The following GRK5 variants were observed in gnomAD, a reference collection of about 807,000 sequenced individuals.
GRK5 encodes the protein g protein-coupled receptor kinase GRK5.
GRK5 carries 40 observed loss-of-function variants against 78.4 expected under a neutral mutation model. That is an observed-to-expected ratio of 0.51 (90% CI 0.40 to 0.66). The LOEUF (loss-of-function observed/expected upper bound fraction) is 0.66. GRK5 is among the 30% of genes least tolerant of loss of function. The probability of loss-of-function intolerance (pLI) is 0.00; values close to 1 mark genes in which losing one functional copy is unlikely to be tolerated. For missense variants in GRK5, 598 were observed against 759.9 expected (o/e 0.79, Z 2.50); for synonymous variants, 289 against 296.8 (o/e 0.97, Z 0.27).
At chr10:119,325,009 T>C (rs943102002) in intron 1 of GRK5, among the ~76,000 whole-genome samples, 1 of 152,108 alleles carries the variant, frequency 6.6e-6, no homozygotes, top group Non-Finnish European at 1.5e-5. Context: ...GGGAGTTGGG[T>C]TGAAGATGCA....
intron 3 of GRK5, among the ~76,000 whole-genome samples, chr10:119,396,126 G>T (rs1421363091): frequency 6.6e-6 from 1 of 152,192 alleles, no homozygotes; most frequent in Admixed American, 6.5e-5. Context: ...GATGGGCCAG[G>T]CCCCAGGCCA....
intron 2 of GRK5, among the ~76,000 whole-genome samples, chr10:119,380,353 G>A (rs746110410): frequency 2.0e-5 from 3 of 152,134 alleles, no homozygotes; most frequent in Admixed American, 6.5e-5. Flanking sequence ...GAACACTGCT[G>A]CAGCACCTGG....
At chr10:119,403,778 T>C (rs1171868391) in intron 4 of GRK5, among the ~76,000 whole-genome samples, 1 of 152,106 alleles carries the variant, frequency 6.6e-6, no homozygotes, top group Non-Finnish European at 1.5e-5. Flanking sequence ...GGATTACAGA[T>C]GCCCATCACC....
At chr10:119,209,254 C>T (rs1354089805) in intron 1 of GRK5, among the ~76,000 whole-genome samples, 2 of 152,128 alleles carry the variant, frequency 1.3e-5, no homozygotes, top group Non-Finnish European at 2.9e-5. Flanking sequence ...CAACTCAACC[C>T]GGCATTCGTG....
At chr10:119,230,446 A>G (rs1848806841) in intron 1 of GRK5, among the ~76,000 whole-genome samples, 4 of 152,160 alleles carry the variant, frequency 2.6e-5, no homozygotes, top group Non-Finnish European at 1.5e-5. Context: ...AAGGCAAGGA[A>G]GAGCAAAGTC....
chr10:119,423,651 G>C (rs1392671711), intron 5 of GRK5, among the ~76,000 whole-genome samples: 1 of 152,204 alleles, frequency 6.6e-6, no homozygotes, highest in Non-Finnish European at 1.5e-5. Context: ...CTTGTCTGCA[G>C]GTGGCACGTC....
At chr10:119,240,492 C>T (rs946068727) in intron 1 of GRK5, among the ~76,000 whole-genome samples, 16 of 152,130 alleles carry the variant, frequency 1.1e-4, no homozygotes, top group African/African-American at 3.4e-4. Context: ...TGAGCCACCA[C>T]GCCCGGCCTT....
intron 5 of GRK5, 117 bp downstream of exon 5, chr10:119,423,383 G>GC (rs1852610324): frequency 1.0e-5 from 7 of 691,834 alleles, no homozygotes; most frequent in Non-Finnish European, 1.8e-5. Flanking sequence ...GACAGCTTCA[G>GC]CCAAGTTATA....
intron 1 of GRK5, among the ~76,000 whole-genome samples, chr10:119,311,646 C>T (rs966905069): frequency 3.3e-5 from 5 of 151,814 alleles, no homozygotes; most frequent in African/African-American, 4.8e-5. Flanking sequence ...ATTAGCTGGG[C>T]GTGGTGGTGC....
chr10:119,354,565 C>T (rs1851238263), intron 2 of GRK5, among the ~76,000 whole-genome samples: 1 of 152,068 alleles, frequency 6.6e-6, no homozygotes, highest in Non-Finnish European at 1.5e-5. Context: ...CCATGCCTGG[C>T]TAATTTTTGT....
chr10:119,261,089 T>C (rs1275566002), intron 1 of GRK5, among the ~76,000 whole-genome samples: 9 of 84,270 alleles, frequency 1.1e-4, no homozygotes, highest in Admixed American at 3.8e-4. Context: ...GAGACGCTCC[T>C]CACTTCCCAG....
chr10:119,416,090 G>A (rs564376399), intron 4 of GRK5, among the ~76,000 whole-genome samples: 12 of 150,458 alleles, frequency 8.0e-5, no homozygotes, highest in East Asian at 2.1e-4. Flanking sequence ...TTTCAGTCCC[G>A]CTTCATCCCT....
intron 3 of GRK5, among the ~76,000 whole-genome samples, chr10:119,386,461 A>G (rs1218387376): frequency 6.6e-6 from 1 of 152,132 alleles, no homozygotes; most frequent in Non-Finnish European, 1.5e-5. Context: ...AAAGGGGGGA[A>G]AAAAATCCAA....
At chr10:119,343,264 TGAGAGAGA>T (rs58146681) in intron 2 of GRK5, among the ~76,000 whole-genome samples, 4 of 148,994 alleles carry the variant, frequency 2.7e-5, no homozygotes, top group South Asian at 2.1e-4. Flanking sequence ...AGTGAACAGA[TGAGAGAGA>T]GAGAGAGAGA....
chr10:119,334,175 G>A (rs910421754), intron 2 of GRK5, among the ~76,000 whole-genome samples: 15 of 152,206 alleles, frequency 9.9e-5, no homozygotes, highest in African/African-American at 1.4e-4. Flanking sequence ...CTGCAGCGGC[G>A]CAAGCCTGGA....
In GRK5 at chr10:119,288,029, C is replaced by T. The variant is rs148612751; in HGVS notation, c.53-38487C>T. ...GACTGGACGGTCCTCACAGGTAGAA[C>T]GGCCTGTGCCTGTGTCCTCTGCTCT... is the stretch of plus-strand genomic sequence containing the variant. On this transcript the variant is annotated intron_variant, in intron 1 of 15. Transcript: ENST00000392870. Among the ~76,000 whole-genome samples, 55 of 152,338 alleles carry T rather than the reference C, an allele frequency of 3.6e-4. 1 individual carries two copies. In the East Asian group the frequency reaches 0.01, roughly 28 times the overall value.
chr10:119,266,779 T>G (rs1182877325), intron 1 of GRK5, among the ~76,000 whole-genome samples: 1 of 151,350 alleles, frequency 6.6e-6, no homozygotes, highest in African/African-American at 2.4e-5. Context: ...AAGAGTTTTT[T>G]TTTTTTTTTT....
At chr10:119,357,287 C>T (rs542889684) in intron 2 of GRK5, among the ~76,000 whole-genome samples, 2 of 152,352 alleles carry the variant, frequency 1.3e-5, no homozygotes, top group South Asian at 2.1e-4. Flanking sequence ...GTGGCCTTCC[C>T]TTGCTCTAGG....
rs200459042 is a variant in GRK5, at chr10:119,430,731, GGGA to G, written c.597+298_597+300del. ...AAATGGGCAGCCCTGGTCGTGTGTG[GGGA>G]GGAGATGTGAGGGCGTGAGGAGGCT... On this transcript the variant is annotated intron_variant, in intron 7 of 15. Transcript: ENST00000392870. The surrounding 1 kb of genome is among the most constrained non-coding windows in gnomAD (Gnocchi z 4.5). Among the ~76,000 whole-genome samples, 462 of 152,218 alleles carry G rather than the reference GGGA, an allele frequency of 3.0e-3. 1 individual carries two copies. Among genetic ancestry groups the G allele is most frequent in the Middle Eastern group, 0.024 (7 of 294 alleles).
Sources: allele counts gnomAD v4.1 joint callset (sites outside exome capture counted in the v4.1 genomes callset), GRCh38; gene constraint gnomAD v4.1.1; non-coding constraint Gnocchi (gnomAD v3.1); transcripts MANE v1.5; gene names NCBI Gene and HGNC (gene_info 2026-07-23, HGNC 2026-07-21).